The following EFHD1 variants were observed in gnomAD, a reference collection of about 807,000 sequenced individuals.
EFHD1 encodes the protein EF-hand domain-containing protein D1.
In EFHD1, 10 loss-of-function variants were observed where a neutral mutation model predicts 17.2. The ratio of observed to expected loss-of-function variants is 0.58; its 90% CI spans 0.36 to 0.99. The LOEUF is 0.99. Among genes scored for constraint, EFHD1 ranks in the 50% least tolerant of loss-of-function variants. The pLI is 0.01. For missense variants in EFHD1, 310 were observed against 327.5 expected, an observed-to-expected ratio of 0.95 and a Z score of 0.41; for synonymous variants, 153 against 142.0, an observed-to-expected ratio of 1.08 and a Z score of -0.55.
intron 1 of EFHD1, chr2:232,650,057 GGTCAAAACTCCC>G (rs1382806119): frequency 6.6e-6 from 1 of 152,276 alleles, no homozygotes; most frequent in Non-Finnish European, 1.5e-5. Context: ...AGAAGCAGCA[GGTCAAAACTCCC>G]GTGCTGGTCA....
At chr2:232,665,234 A>G (rs1374585728) in intron 2 of EFHD1, among the ~76,000 whole-genome samples, 1 of 152,182 alleles carries the variant, frequency 6.6e-6, no homozygotes. Context: ...TGGCATTCAC[A>G]GCTGATCCCC....
At chr2:232,662,584 T>C in intron 1 of EFHD1, 1 of 488,804 alleles carries the variant, frequency 2.0e-6, no homozygotes, top group Non-Finnish European at 3.5e-6. Flanking sequence ...ATAAAAGACA[T>C]GAAAACCAAC....
intron 1 of EFHD1, 113 bp from the exon 2 acceptor site, chr2:232,662,689 C>A: frequency 7.0e-7 from 1 of 1,433,654 alleles, no homozygotes; most frequent in South Asian, 1.5e-5. Context: ...ATTGGCCTCG[C>A]AGAGCGGGAG....
chr2:232,646,467 CAG>C (rs1242610238), intron 1 of EFHD1, among the ~76,000 whole-genome samples: 1 of 67,706 alleles, frequency 1.5e-5, no homozygotes, highest in Non-Finnish European at 2.9e-5. Context: ...TTTTTTGAGA[CAG>C]TGTTTCACTC....
intron 1 of EFHD1, among the ~76,000 whole-genome samples, chr2:232,646,469 G>A (rs530767729): frequency 7.9e-4 from 58 of 73,462 alleles, no homozygotes; most frequent in African/African-American, 2.7e-3. Flanking sequence ...TTTTGAGACA[G>A]TGTTTCACTC....
intron 1 of EFHD1, among the ~76,000 whole-genome samples, chr2:232,645,358 G>C (rs113545143): frequency 1.3e-3 from 203 of 152,256 alleles, no homozygotes; most frequent in African/African-American, 4.3e-3. Context: ...AAACAGCAGA[G>C]ACCCCCACCC....
At chr2:232,643,217 T>C (rs1218043843) in intron 1 of EFHD1, among the ~76,000 whole-genome samples, 2 of 146,574 alleles carry the variant, frequency 1.4e-5, no homozygotes, top group African/African-American at 2.5e-5. Flanking sequence ...AAATAAACAA[T>C]GAGGAAATCT....
chr2:232,627,034 CTCTATA>C (rs1173204358), intron 1 of EFHD1, among the ~76,000 whole-genome samples: 252 of 64,082 alleles, frequency 3.9e-3, no homozygotes, highest in Middle Eastern at 0.017. Context: ...CTCTCTCTCT[CTCTATA>C]TATATATATA....
At position 232,674,864 on chromosome 2, in the gene EFHD1, G is replaced by A. The variant is rs771461638; in HGVS notation, c.585+2421G>A. The stretch of plus-strand genomic sequence containing the variant: ...AAGTGGAAGGCTCCAAGGCATAGAG[G>A]GTGAGACGTGTTTGGAGGCTGGAGA... On this transcript the variant is annotated intron_variant, in intron 3 of 3. Coordinates refer to ENST00000264059, the MANE Select transcript of EFHD1 (RefSeq NM_025202.4). Among the ~76,000 whole-genome samples, 31 of 152,022 alleles carry A rather than the reference G, an allele frequency of 2.0e-4. 2 individuals carry two copies. The highest frequency in any genetic ancestry group is 2.9e-5 in the Non-Finnish European group (2 of 68,012).
intron 1 of EFHD1, among the ~76,000 whole-genome samples, chr2:232,651,770 C>T (rs537472182): frequency 2.0e-5 from 3 of 152,294 alleles, no homozygotes; most frequent in East Asian, 1.9e-4. Flanking sequence ...TGTAGTGAGC[C>T]GAGATTGCGC....
intron 3 of EFHD1, among the ~76,000 whole-genome samples, chr2:232,677,229 C>T (rs1034329072): frequency 1.6e-4 from 23 of 141,084 alleles, no homozygotes; most frequent in African/African-American, 6.0e-4. Flanking sequence ...CACACACACA[C>T]ACACACACAC....
intron 1 of EFHD1, among the ~76,000 whole-genome samples, chr2:232,614,230 A>T (rs1177825229): frequency 6.6e-6 from 1 of 152,152 alleles, no homozygotes; most frequent in Admixed American, 6.6e-5. Flanking sequence ...TTGGCCCTTG[A>T]ACAACACAGG....
At chr2:232,667,540 A>AATTAATTT (rs1215290095) in intron 2 of EFHD1, among the ~76,000 whole-genome samples, 19 of 150,386 alleles carry the variant, frequency 1.3e-4, no homozygotes, top group African/African-American at 4.6e-4. Flanking sequence ...TTAATTAATT[A>AATTAATTT]ATTTATTTAT....
intron 1 of EFHD1, among the ~76,000 whole-genome samples, chr2:232,618,445 G>C (rs1693963862): frequency 6.6e-6 from 1 of 152,192 alleles, no homozygotes; most frequent in South Asian, 2.1e-4. Flanking sequence ...ACATGCAGCT[G>C]GGTGTGGTGG....
chr2:232,632,016 A>T (rs1694211514), upstream of EFHD1, among the ~76,000 whole-genome samples: 1 of 151,808 alleles, frequency 6.6e-6, no homozygotes, highest in African/African-American at 2.4e-5. Context: ...AAAAAAAAAA[A>T]GTTTTTAAAA....
intron 1 of EFHD1, among the ~76,000 whole-genome samples, chr2:232,620,221 T>A (rs1206649601): frequency 6.6e-6 from 1 of 151,652 alleles, no homozygotes; most frequent in East Asian, 1.9e-4. Context: ...ACCCCGTCTC[T>A]ACTAAAAATA....
At chr2:232,670,846 A>G (rs1297869638) in intron 2 of EFHD1, among the ~76,000 whole-genome samples, 17 of 152,250 alleles carry the variant, frequency 1.1e-4, no homozygotes, top group Admixed American at 1.1e-3. Context: ...ACCAGGTTCT[A>G]TGAAGATCTT....
rs184241009 is a variant in EFHD1 at position 232,680,762 on chromosome 2, G to C, written c.586-823G>C. 2.0e-5 allele frequency among the ~76,000 whole-genome samples: 3 copies of C among 152,142 alleles called. No individual in the cohort carries two copies. The East Asian group carries it at 5.8e-4, about 30-fold the overall frequency. ...GGCCTCAGGTGATCCGCCCGCTTCAGCCTCCCAAAGTGCTGGGATTACAGG... is the reference window on the plus strand; with the variant it reads ...GGCCTCAGGTGATCCGCCCGCTTCACCCTCCCAAAGTGCTGGGATTACAGG... On this transcript the variant is annotated intron_variant, in intron 3 of 3. Coordinates refer to ENST00000264059, the MANE Select transcript of EFHD1 (RefSeq NM_025202.4).
chr2:232,614,165 T>C (rs1359723970), intron 1 of EFHD1, among the ~76,000 whole-genome samples: 1 of 151,648 alleles, frequency 6.6e-6, no homozygotes, highest in Non-Finnish European at 1.5e-5. Context: ...CATTTACACA[T>C]ATATACAAAC....
Sources: allele counts gnomAD v4.1 joint callset (sites outside exome capture counted in the v4.1 genomes callset), GRCh38; gene constraint gnomAD v4.1.1; transcripts MANE v1.5; gene names NCBI Gene and HGNC (gene_info 2026-07-23, HGNC 2026-07-21).